The following RBFOX1 variants were observed in gnomAD, a reference collection of about 807,000 sequenced individuals.
RBFOX1 encodes the protein RNA binding protein fox-1 homolog 1.
In RBFOX1, 8 loss-of-function variants were observed where a neutral mutation model predicts 57.7. That is an observed-to-expected ratio of 0.14 (90% CI 0.08 to 0.25). The LOEUF (loss-of-function observed/expected upper bound fraction) is 0.25, where lower values mean the gene tolerates loss of function less well. Ranked by LOEUF, RBFOX1 falls within the 10% of genes least tolerant of loss-of-function variation. The probability of loss-of-function intolerance (pLI) is 1.00; values close to 1 mark genes in which losing one functional copy is unlikely to be tolerated. For synonymous variants in RBFOX1, 326 were observed against 222.4 expected, an observed-to-expected ratio of 1.47 and a Z score of -4.15; for missense variants, 611 against 548.5, an observed-to-expected ratio of 1.11 and a Z score of -1.14.
chr16:6,905,790 G>A lies in RBFOX1; in HGVS notation c.-15-146267G>A, dbSNP rs531707105. Among the ~76,000 whole-genome samples, 22 of 152,262 alleles carry A rather than the reference G, an allele frequency of 1.4e-4. No individual in the cohort carries two copies. In the South Asian group the frequency reaches 2.1e-3, roughly 14 times the overall value. On this transcript the variant is annotated intron_variant, in intron 3 of 15. Transcript: ENST00000550418. ...GTATTTTCAAGAGACAGACTGAGCC[G>A]GTCCTGCCTAGGAAACCTGCTGCCT...
intron 1 of RBFOX1, among the ~76,000 whole-genome samples, chr16:6,154,110 T>A (rs2096822207): frequency 6.6e-6 from 1 of 152,218 alleles, no homozygotes; most frequent in African/African-American, 2.4e-5. Context: ...TGAAATCAGA[T>A]GTTCCTGCGT....
chr16:6,942,909 G>C (rs1415767859), intron 3 of RBFOX1, among the ~76,000 whole-genome samples: 1 of 152,218 alleles, frequency 6.6e-6, no homozygotes, highest in Non-Finnish European at 1.5e-5. Flanking sequence ...GTACACAGTT[G>C]TGGTACCGAC....
chr16:6,906,207 A>T (rs1034763563), intron 3 of RBFOX1, among the ~76,000 whole-genome samples: 2 of 151,654 alleles, frequency 1.3e-5, no homozygotes, highest in African/African-American at 4.9e-5. Flanking sequence ...GAAGGTGCCC[A>T]TCCTATGGGC....
chr16:6,785,233 C>G (rs982234772), intron 3 of RBFOX1, among the ~76,000 whole-genome samples: 2 of 152,216 alleles, frequency 1.3e-5, no homozygotes, highest in South Asian at 2.1e-4. Flanking sequence ...ATCTCCCAGT[C>G]CGTTCGTAAC....
intron 1 of RBFOX1, among the ~76,000 whole-genome samples, chr16:5,422,968 GGA>G (rs1475781195): frequency 8.1e-6 from 1 of 123,382 alleles, no homozygotes; most frequent in African/African-American, 3.0e-5. Context: ...GGAGGAGGAG[GGA>G]GAGGGAGGAG....
intron 1 of RBFOX1, among the ~76,000 whole-genome samples, chr16:6,259,859 G>A (rs956414542): frequency 6.6e-6 from 1 of 151,740 alleles, no homozygotes; most frequent in Non-Finnish European, 1.5e-5. Context: ...TACTCAGGAG[G>A]CTGAGGCAGG....
chr16:6,183,722 A>G (rs1003451238), intron 1 of RBFOX1, among the ~76,000 whole-genome samples: 2 of 152,128 alleles, frequency 1.3e-5, no homozygotes, highest in Non-Finnish European at 2.9e-5. Context: ...ACTTCTTGTC[A>G]TATCCACAGC....
intron 1 of RBFOX1, among the ~76,000 whole-genome samples, chr16:5,426,572 A>G (rs535603242): frequency 6.6e-6 from 1 of 152,214 alleles, no homozygotes; most frequent in South Asian, 2.1e-4. Flanking sequence ...TCTTTTTGTT[A>G]CTGATTTCTT....
intron 1 of RBFOX1, among the ~76,000 whole-genome samples, chr16:6,211,248 G>A (rs182262731): frequency 3.2e-3 from 237 of 73,818 alleles, no homozygotes; most frequent in Middle Eastern, 0.011. Context: ...TTTTTTTTTG[G>A]GATGGAGTCT....
chr16:6,236,285 T>C (rs1470952796), intron 1 of RBFOX1, among the ~76,000 whole-genome samples: 1 of 152,100 alleles, frequency 6.6e-6, no homozygotes, highest in African/African-American at 2.4e-5. Flanking sequence ...AACTACTGCA[T>C]CTCACTTTGT....
intron 2 of RBFOX1, among the ~76,000 whole-genome samples, chr16:6,328,254 G>T (rs982724632): frequency 3.9e-5 from 6 of 152,166 alleles, no homozygotes; most frequent in African/African-American, 1.4e-4. Flanking sequence ...TAAGAATGAT[G>T]CAAGGAACTT....
At chr16:6,526,379 T>C (rs1187984236) in intron 2 of RBFOX1, among the ~76,000 whole-genome samples, 1 of 152,132 alleles carries the variant, frequency 6.6e-6, no homozygotes, top group South Asian at 2.1e-4. Context: ...CTGTTGTAAT[T>C]AGTCTGAGTC....
intron 3 of RBFOX1, among the ~76,000 whole-genome samples, chr16:6,944,587 G>A (rs1163478321): frequency 2.6e-5 from 4 of 152,056 alleles, no homozygotes; most frequent in Admixed American, 6.6e-5. Flanking sequence ...AAGAGACTGG[G>A]TCTCGTAGAT....
chr16:5,681,240 ATTTTTTT>A (rs71404546), intron 3 of RBFOX1, among the ~76,000 whole-genome samples: 1 of 134,624 alleles, frequency 7.4e-6, no homozygotes, highest in Middle Eastern at 3.7e-3. Context: ...TGCCTGGCTA[ATTTTTTT>A]TTTTTTTTTT....
intron 3 of RBFOX1, among the ~76,000 whole-genome samples, chr16:7,029,221 C>CACATATATATACGTATACGTATATATAT (rs2042106912): frequency 4.5e-4 from 4 of 8,804 alleles, no homozygotes; most frequent in African/African-American, 2.1e-3. Context: ...TATATATATA[C>CACATATATATACGTATACGTATATATAT]ACACATATAT....
At chr16:6,892,307 G>A (rs77856060) in intron 3 of RBFOX1, among the ~76,000 whole-genome samples, 1,816 of 152,188 alleles carry the variant, frequency 0.012, 36 homozygotes, top group African/African-American at 0.041. Flanking sequence ...TAAAGTACTG[G>A]ATCTCTCTAA....
intron 4 of RBFOX1, among the ~76,000 whole-genome samples, chr16:7,148,990 G>A (rs898076653): frequency 1.3e-5 from 2 of 152,202 alleles, no homozygotes; most frequent in Non-Finnish European, 2.9e-5. Flanking sequence ...ATAGTATTTT[G>A]CTTCTTTCCT....
intron 5 of RBFOX1, among the ~76,000 whole-genome samples, chr16:7,556,573 A>G (rs1035517787): frequency 6.6e-6 from 1 of 152,188 alleles, no homozygotes; most frequent in Non-Finnish European, 1.5e-5. Flanking sequence ...TTCATTTTCA[A>G]CATTCTCTTT....
chr16:5,576,248 C>G (rs573199418), intron 2 of RBFOX1, among the ~76,000 whole-genome samples: 3 of 152,296 alleles, frequency 2.0e-5, no homozygotes, highest in African/African-American at 7.2e-5. Context: ...GTGCAGTGGT[C>G]TCCCAAAGTG....
Sources: allele counts gnomAD v4.1 joint callset (sites outside exome capture counted in the v4.1 genomes callset), GRCh38; gene constraint gnomAD v4.1.1; transcripts MANE v1.5; gene names NCBI Gene and HGNC (gene_info 2026-07-23, HGNC 2026-07-21).